Variants in AFF3 observed in about 807,000 individuals in gnomAD.
The protein encoded by AFF3 is ALF transcription elongation factor 3.
In AFF3, 32 loss-of-function variants were observed where a neutral mutation model predicts 129.7. That is an observed-to-expected ratio of 0.25 (90% CI 0.19 to 0.33). The LOEUF (loss-of-function observed/expected upper bound fraction) is 0.33, where lower values mean the gene tolerates loss of function less well. AFF3 is among the 10% of genes least tolerant of loss of function. The pLI, the probability that AFF3 is intolerant of heterozygous loss-of-function variation, is 1.00. For synonymous variants in AFF3, 644 were observed against 635.4 expected, an observed-to-expected ratio of 1.01 and a Z score of -0.20; for missense variants, 1,373 against 1,592.0, an observed-to-expected ratio of 0.86 and a Z score of 2.34.
chr2:100,030,066 AAAT>A (rs70940193), intron 4 of AFF3, among the ~76,000 whole-genome samples: 45,103 of 147,640 alleles, frequency 0.31, 7,090 homozygotes, highest in African/African-American at 0.36. Context: ...GACTGTCTCA[AAAT>A]AATAATAATA....
At chr2:99,646,238 A>G (rs1479892676) in intron 13 of AFF3, among the ~76,000 whole-genome samples, 1 of 152,186 alleles carries the variant, frequency 6.6e-6, no homozygotes, top group Non-Finnish European at 1.5e-5. Context: ...GCTCAGTGGA[A>G]GTGAAATGAG....
At chr2:99,639,219 CT>C (rs1406334891) in intron 13 of AFF3, among the ~76,000 whole-genome samples, 1 of 152,126 alleles carries the variant, frequency 6.6e-6, no homozygotes, top group Non-Finnish European at 1.5e-5. Flanking sequence ...TGTTATGTAC[CT>C]GATAGAACTC....
chr2:100,107,958 A>T (rs1382782869), intron 2 of AFF3, among the ~76,000 whole-genome samples: 1 of 150,158 alleles, frequency 6.7e-6, no homozygotes, highest in Non-Finnish European at 1.5e-5. Context: ...TCTCTTTATA[A>T]TCCCACCATT....
chr2:99,832,077 G>T (rs1688551470), intron 8 of AFF3, among the ~76,000 whole-genome samples: 2 of 152,188 alleles, frequency 1.3e-5, no homozygotes, highest in African/African-American at 4.8e-5. Context: ...GTATCTCCAA[G>T]AAACTATGAA....
At chr2:100,008,964 C>T (rs549447701) in intron 4 of AFF3, 32 bp from the exon 5 acceptor site, 3 of 1,610,344 alleles carry the variant, frequency 1.9e-6, no homozygotes, top group East Asian at 2.2e-5. Flanking sequence ...AGAACAACCA[C>T]ACACACAAAT....
At chr2:100,107,853 G>T (rs1691371645) in intron 2 of AFF3, among the ~76,000 whole-genome samples, 1 of 152,228 alleles carries the variant, frequency 6.6e-6, no homozygotes, top group Non-Finnish European at 1.5e-5. Flanking sequence ...TGATTTGATA[G>T]AAGAGAAGCC....
intron 11 of AFF3, among the ~76,000 whole-genome samples, chr2:99,689,033 C>T (rs1051327418): frequency 3.3e-5 from 5 of 152,186 alleles, no homozygotes; most frequent in East Asian, 1.9e-4. Flanking sequence ...CCTCTCTCTC[C>T]TCCCTACAGA....
intron 20 of AFF3, among the ~76,000 whole-genome samples, chr2:99,563,810 C>CAAAAAAAAAAAAAAAAAA (rs34843347): frequency 5.3e-5 from 4 of 76,050 alleles, no homozygotes; most frequent in Admixed American, 1.7e-4. Flanking sequence ...AATTTAGTCT[C>CAAAAAAAAAAAAAAAAAA]AAAAAAAAAA....
chr2:100,078,888 AC>A (rs943005450), intron 4 of AFF3, among the ~76,000 whole-genome samples: 10 of 151,896 alleles, frequency 6.6e-5, no homozygotes, highest in African/African-American at 2.4e-4. Flanking sequence ...TAGCTGTTAT[AC>A]TATAGTTTCT....
intron 13 of AFF3, among the ~76,000 whole-genome samples, chr2:99,619,369 G>A (rs185190258): frequency 6.6e-6 from 1 of 152,230 alleles, no homozygotes; most frequent in Admixed American, 6.5e-5. Flanking sequence ...GGCCATATCA[G>A]CTCAAGCTGT....
At chr2:99,619,493 T>A (rs915452941) in intron 13 of AFF3, among the ~76,000 whole-genome samples, 1 of 152,186 alleles carries the variant, frequency 6.6e-6, no homozygotes, top group Non-Finnish European at 1.5e-5. Context: ...TTCATCCTTT[T>A]CAAAGGCTGC....
chr2:99,869,982 G>A (rs144657793), intron 7 of AFF3, among the ~76,000 whole-genome samples: 51 of 152,278 alleles, frequency 3.3e-4, no homozygotes, highest in African/African-American at 1.2e-3. Context: ...CGCCTGCCAG[G>A]GCTGTGCACC....
At chr2:99,959,380 G>A (rs1676998469) in intron 7 of AFF3, among the ~76,000 whole-genome samples, 1 of 146,964 alleles carries the variant, frequency 6.8e-6, no homozygotes, top group African/African-American at 2.5e-5. Flanking sequence ...TCAAGAATAG[G>A]ACAAAGAGTC....
Position 99,727,124 on chromosome 2 carries a change from TTTC to T in AFF3, c.1041_1043del (p.Lys348del). 6.2e-7 allele frequency: 1 copy of T among 1,609,544 alleles called. No homozygotes were observed. Among genetic ancestry groups the T allele is most frequent in the Non-Finnish European group, 8.5e-7 (1 of 1,178,766 alleles). On this transcript the variant is annotated inframe_deletion and splice_region_variant, in exon 11 of 25. Transcript: ENST00000672756. ...CTGGACTCTCTGGCTCTGCATCACC[TTTC>T]TCTTAAAAAGGAAGCAGAAAAAAAT...
chr2:99,698,573 T>C (rs2309727), intron 11 of AFF3, among the ~76,000 whole-genome samples: 139,487 of 152,326 alleles, frequency 0.92, 64,028 homozygotes, highest in East Asian at 1. Context: ...CAGTTTAGGT[T>C]CTGCCAATAA....
intron 5 of AFF3, chr2:100,007,683 C>T (rs1348450511): frequency 1.7e-6 from 1 of 571,458 alleles, no homozygotes; most frequent in Non-Finnish European, 3.1e-6. Flanking sequence ...AAAAAGGGAT[C>T]TATCCGGCCG....
chr2:99,899,092 G>A (rs1050186141), intron 7 of AFF3, among the ~76,000 whole-genome samples: 1 of 152,158 alleles, frequency 6.6e-6, no homozygotes, highest in African/African-American at 2.4e-5. Flanking sequence ...AAGTACCTGT[G>A]GATTTGACAT....
At chr2:99,954,087 G>C (rs1676409946) in intron 7 of AFF3, among the ~76,000 whole-genome samples, 1 of 152,116 alleles carries the variant, frequency 6.6e-6, no homozygotes, top group Non-Finnish European at 1.5e-5. Context: ...TGAATGGAGT[G>C]ATATGGATCC....
intron 8 of AFF3, among the ~76,000 whole-genome samples, chr2:99,774,847 G>A (rs751984846): frequency 1.3e-4 from 20 of 152,036 alleles, no homozygotes; most frequent in Non-Finnish European, 2.8e-4. Flanking sequence ...CTATGCCTCT[G>A]ACAAAGGTTT....
Sources: allele counts gnomAD v4.1 joint callset (sites outside exome capture counted in the v4.1 genomes callset), GRCh38; gene constraint gnomAD v4.1.1; transcripts MANE v1.5; gene names NCBI Gene and HGNC (gene_info 2026-07-23, HGNC 2026-07-21).